Variants in PLCB4 observed in about 807,000 individuals in gnomAD.
PLCB4 encodes 1-phosphatidylinositol 4,5-bisphosphate phosphodiesterase beta-4.
In PLCB4, 77 loss-of-function variants were observed where a neutral mutation model predicts 178.8. That is an observed-to-expected ratio of 0.43 (90% confidence interval 0.36 to 0.52). The LOEUF is 0.52. PLCB4 is among the 20% of genes least tolerant of loss of function. The pLI, the probability that PLCB4 is intolerant of heterozygous loss-of-function variation, is 0.00. For missense variants in PLCB4, 1,024 were observed against 1,453.4 expected, an observed-to-expected ratio of 0.70 and a Z score of 4.80; for synonymous variants, 496 against 490.8, an observed-to-expected ratio of 1.01 and a Z score of -0.14.
intron 31 of PLCB4, 23 bp downstream of exon 31, chr20:9,444,053 C>A: frequency 6.4e-7 from 1 of 1,567,904 alleles, no homozygotes; most frequent in African/African-American, 1.4e-5. Context: ...GACTATTTTG[C>A]AAGCACTCTT....
chr20:9,123,211 TAA>T (rs927510296), intron 2 of PLCB4, among the ~76,000 whole-genome samples: 2 of 152,082 alleles, frequency 1.3e-5, no homozygotes, highest in Non-Finnish European at 2.9e-5. Flanking sequence ...TACAGTCTAT[TAA>T]AAAAAGTATA....
intron 3 of PLCB4, among the ~76,000 whole-genome samples, chr20:9,277,588 C>G (rs910585716): frequency 1.3e-5 from 2 of 152,012 alleles, no homozygotes; most frequent in South Asian, 4.1e-4. Context: ...AGTTACAAAA[C>G]GGTAACTGCT....
intron 2 of PLCB4, among the ~76,000 whole-genome samples, chr20:9,101,665 G>A (rs2091157029): frequency 1.3e-5 from 2 of 151,858 alleles, no homozygotes; most frequent in Admixed American, 1.3e-4. Flanking sequence ...TCATTTTTCA[G>A]TTGCCCATTA....
At chr20:9,473,200 T>A (rs961306575) in intron 37 of PLCB4, 79 bp from the exon 38 acceptor site, 1 of 824,528 alleles carries the variant, frequency 1.2e-6, no homozygotes, top group Admixed American at 2.7e-5. Context: ...AATTATAAAG[T>A]TACAAGTCAT....
chr20:9,421,541 G>T, intron 27 of PLCB4, 80 bp downstream of exon 27: 2 of 1,100,942 alleles, frequency 1.8e-6, no homozygotes, highest in South Asian at 1.4e-5. Context: ...CACGATACAG[G>T]GGCACTTATT....
intron 2 of PLCB4, among the ~76,000 whole-genome samples, chr20:9,165,191 C>G (rs527689045): frequency 6.6e-6 from 1 of 152,092 alleles, no homozygotes; most frequent in African/African-American, 2.4e-5. Context: ...TCCAGCTTCT[C>G]GAGGGCACAA....
At chr20:9,092,895 G>A (rs1437491947) in intron 1 of PLCB4, among the ~76,000 whole-genome samples, 2 of 152,076 alleles carry the variant, frequency 1.3e-5, no homozygotes, top group East Asian at 3.9e-4. Flanking sequence ...GTGTCATGTG[G>A]CTATCCCTAG....
intron 2 of PLCB4, among the ~76,000 whole-genome samples, chr20:9,186,103 G>A (rs1375377389): frequency 2.6e-5 from 4 of 152,164 alleles, no homozygotes; most frequent in Admixed American, 2.0e-4. Flanking sequence ...TAGTGATTCA[G>A]TAAATATTTG....
At chr20:9,383,474 T>C (rs79340885) in intron 13 of PLCB4, among the ~76,000 whole-genome samples, 402 of 152,356 alleles carry the variant, frequency 2.6e-3, no homozygotes, top group African/African-American at 9.2e-3. Flanking sequence ...AAGCTGTCGA[T>C]GCATCAACCA....
chr20:9,127,208 T>A (rs141538700), intron 2 of PLCB4, among the ~76,000 whole-genome samples: 69 of 152,232 alleles, frequency 4.5e-4, no homozygotes, highest in African/African-American at 1.6e-3. Flanking sequence ...GAGTATCTTG[T>A]TAAAATGCAG....
Position 9,148,536 on chromosome 20 carries a change from G to A in PLCB4, c.-79+52194G>A, listed in dbSNP as rs148875905. 4.6e-5 allele frequency among the ~76,000 whole-genome samples: 7 copies of A among 151,762 alleles called. No individual in the cohort carries two copies. In the East Asian group the frequency reaches 5.8e-4, roughly 13 times the overall value. ...TTTTTTTTCTCCTGTCTCTTCCCTCGCCCCAAGAATTTCTCCTGCATCAGG... is the reference window on the plus strand; with the variant it reads ...TTTTTTTTCTCCTGTCTCTTCCCTCACCCCAAGAATTTCTCCTGCATCAGG... On this transcript the variant is annotated intron_variant, in intron 2 of 39. Transcript: ENST00000378473.
At chr20:9,394,782 C>G (rs555273656) in intron 18 of PLCB4, among the ~76,000 whole-genome samples, 3 of 152,084 alleles carry the variant, frequency 2.0e-5, no homozygotes, top group Non-Finnish European at 2.9e-5. Flanking sequence ...GTTATGCTTT[C>G]TTTTAGGAAA....
chr20:9,408,755 A>G (rs1323838858), intron 23 of PLCB4, 38 bp downstream of exon 23: 17 of 1,130,922 alleles, frequency 1.5e-5, no homozygotes, highest in Middle Eastern at 1.9e-4. Flanking sequence ...TGGTTGACTC[A>G]CGTTGGTTTG....
At chr20:9,396,636 A>G (rs1318112328) in intron 19 of PLCB4, among the ~76,000 whole-genome samples, 13 of 152,226 alleles carry the variant, frequency 8.5e-5, no homozygotes. Context: ...TGTTGGTTAT[A>G]CAATGCCTTG....
intron 3 of PLCB4, 33 bp from the exon 4 acceptor site, chr20:9,307,767 A>G: frequency 1.0e-6 from 1 of 990,356 alleles, no homozygotes; most frequent in Non-Finnish European, 1.6e-6. Flanking sequence ...TTTTCATTTT[A>G]TATACTAACG....
chr20:9,093,438 C>G (rs1184576072), intron 1 of PLCB4, among the ~76,000 whole-genome samples: 1 of 152,166 alleles, frequency 6.6e-6, no homozygotes, highest in Admixed American at 6.6e-5. Flanking sequence ...CTTTTATATG[C>G]TTACCCATTA....
chr20:9,435,536 T>C, intron 28 of PLCB4, 24 bp from the exon 29 acceptor site: 1 of 1,310,252 alleles, frequency 7.6e-7, no homozygotes, highest in Non-Finnish European at 1.1e-6. Context: ...AATTAACGGC[T>C]CATTGGGTTT....
At chr20:9,292,176 G>A (rs887328112) in intron 3 of PLCB4, among the ~76,000 whole-genome samples, 1 of 152,090 alleles carries the variant, frequency 6.6e-6, no homozygotes, top group Non-Finnish European at 1.5e-5. Context: ...TACTCACGCC[G>A]GAGGCAACCT....
At chr20:9,091,722 TGTTA>T (rs1217558298) in intron 1 of PLCB4, among the ~76,000 whole-genome samples, 1 of 151,548 alleles carries the variant, frequency 6.6e-6, no homozygotes, top group Non-Finnish European at 1.5e-5. Context: ...AATAGCTACC[TGTTA>T]GTTGTAGTTC....
Sources: gnomAD v4.1 joint callset for allele counts (sites outside exome capture counted in the v4.1 genomes callset) on GRCh38, gnomAD v4.1.1 for gene constraint, MANE v1.5 for transcripts, NCBI Gene and HGNC (gene_info 2026-07-23, HGNC 2026-07-21) for gene names.